The following EXOC6B variants were observed in gnomAD, a reference collection of about 807,000 sequenced individuals.
EXOC6B encodes the protein exocyst complex component 6B.
In EXOC6B, 54 loss-of-function variants were observed where a neutral mutation model predicts 113.5. The observed-to-expected ratio is 0.48, with a 90% CI of 0.38 to 0.60. EXOC6B has a LOEUF of 0.60. Ranked by LOEUF, EXOC6B falls within the 20% of genes least tolerant of loss-of-function variation. The pLI, the probability that EXOC6B is intolerant of heterozygous loss-of-function variation, is 0.00. For synonymous variants in EXOC6B, 357 were observed against 339.0 expected (o/e 1.05, Z -0.58); for missense variants, 797 against 977.5 (o/e 0.82, Z 2.46).
intron 8 of EXOC6B, among the ~76,000 whole-genome samples, chr2:72,558,874 C>G (rs1231234448): frequency 6.6e-6 from 1 of 152,084 alleles, no homozygotes. Flanking sequence ...ATAAGCATCA[C>G]TGAAAGTTTC....
chr2:72,199,017 G>T (rs1679333962), intron 20 of EXOC6B, among the ~76,000 whole-genome samples: 1 of 152,166 alleles, frequency 6.6e-6, no homozygotes, highest in South Asian at 2.1e-4. Context: ...GAGCAGAGCA[G>T]AAACTCAATG....
chr2:72,681,573 A>G (rs1676704877), intron 6 of EXOC6B, among the ~76,000 whole-genome samples: 1 of 152,212 alleles, frequency 6.6e-6, no homozygotes, highest in African/African-American at 2.4e-5. Flanking sequence ...ATTAGTCCTA[A>G]AAGTCCAGTA....
At chr2:72,801,820 C>G (rs1034437973) in intron 1 of EXOC6B, among the ~76,000 whole-genome samples, 1 of 152,138 alleles carries the variant, frequency 6.6e-6, no homozygotes, top group African/African-American at 2.4e-5. Context: ...AGAAGATTCA[C>G]GTAAAAGAAG....
At chr2:72,742,166 A>G (rs1372413503) in intron 1 of EXOC6B, among the ~76,000 whole-genome samples, 1 of 152,152 alleles carries the variant, frequency 6.6e-6, no homozygotes, top group Non-Finnish European at 1.5e-5. Flanking sequence ...TAACGATAAA[A>G]TAAGTGTTCC....
chr2:72,653,607 C>G (rs1180883584), intron 6 of EXOC6B, among the ~76,000 whole-genome samples: 1 of 143,948 alleles, frequency 6.9e-6, no homozygotes, highest in African/African-American at 2.8e-5. Context: ...AACCCCCCCC[C>G]AAAAAGAAAG....
intron 20 of EXOC6B, among the ~76,000 whole-genome samples, chr2:72,296,969 T>C (rs1686177733): frequency 6.6e-6 from 1 of 152,180 alleles, no homozygotes; most frequent in Non-Finnish European, 1.5e-5. Context: ...TTATTCTCTA[T>C]AATTTGCTAT....
intron 6 of EXOC6B, among the ~76,000 whole-genome samples, chr2:72,657,664 G>A (rs867185006): frequency 1.5e-5 from 2 of 132,494 alleles, no homozygotes; most frequent in African/African-American, 5.8e-5. Flanking sequence ...AGCCGTCTTG[G>A]AACTGGAGGT....
intron 20 of EXOC6B, among the ~76,000 whole-genome samples, chr2:72,296,246 C>T (rs528737226): frequency 2.6e-5 from 4 of 152,010 alleles, no homozygotes; most frequent in Non-Finnish European, 2.9e-5. Flanking sequence ...TATAGTATGA[C>T]CTCGCTGAAA....
chr2:72,302,256 G>A (rs1319696318), intron 20 of EXOC6B, among the ~76,000 whole-genome samples: 4 of 152,106 alleles, frequency 2.6e-5, no homozygotes, highest in Admixed American at 1.3e-4. Context: ...TTTTATGTTC[G>A]ATTGTGTGGT....
rs1415370326 is a variant in EXOC6B at position 72,803,215 on chromosome 2, T to G, written c.113+22583A>C. ...CTGATGCAAAAAGAACAAATAAAAT[T>G]CCCAAAACCAACTATAGAAATGACA... On this transcript the variant is annotated intron_variant, in intron 1 of 21. Coordinates refer to ENST00000272427, the MANE Select transcript of EXOC6B (RefSeq NM_015189.3). Among the ~76,000 whole-genome samples the G allele has an allele frequency of 2.7e-5, 4 of 150,166 alleles. No individual in the cohort carries two copies. In the East Asian group the frequency reaches 7.8e-4, roughly 29 times the overall value.
At chr2:72,492,664 G>GTTTTT (rs34091533) in intron 15 of EXOC6B, among the ~76,000 whole-genome samples, 1 of 149,736 alleles carries the variant, frequency 6.7e-6, no homozygotes. Flanking sequence ...AATTCTGGCT[G>GTTTTT]TTTTTTTTTC....
At chr2:72,610,030 TG>T (rs1393174543) in intron 6 of EXOC6B, among the ~76,000 whole-genome samples, 1 of 152,110 alleles carries the variant, frequency 6.6e-6, no homozygotes, top group Non-Finnish European at 1.5e-5. Context: ...AAAATAAAGA[TG>T]GAATAAACAC....
intron 20 of EXOC6B, among the ~76,000 whole-genome samples, chr2:72,188,674 C>A (rs41407): frequency 0.33 from 50,022 of 152,094 alleles, 9,333 homozygotes; most frequent in African/African-American, 0.49. Context: ...CAGCCTGATT[C>A]TCCACATACA....
At chr2:72,712,121 A>G (rs1679310428) in intron 6 of EXOC6B, among the ~76,000 whole-genome samples, 1 of 152,214 alleles carries the variant, frequency 6.6e-6, no homozygotes, top group African/African-American at 2.4e-5. Context: ...TATTGGAAGA[A>G]AGACAGAAGA....
intron 6 of EXOC6B, among the ~76,000 whole-genome samples, chr2:72,645,033 A>G (rs967973460): frequency 6.6e-6 from 1 of 152,198 alleles, no homozygotes; most frequent in African/African-American, 2.4e-5. Flanking sequence ...TGCTGTATTC[A>G]GGAGACCCAT....
intron 1 of EXOC6B, among the ~76,000 whole-genome samples, chr2:72,788,065 G>T (rs549350897): frequency 2.7e-4 from 41 of 152,134 alleles, no homozygotes; most frequent in Non-Finnish European, 5.3e-4. Context: ...ACCTGACATA[G>T]TTCAGTAATT....
chr2:72,226,979 A>G (rs1681284083), intron 20 of EXOC6B, among the ~76,000 whole-genome samples: 1 of 152,210 alleles, frequency 6.6e-6, no homozygotes, highest in East Asian at 1.9e-4. Flanking sequence ...ATTGACAACC[A>G]CTATATAAAA....
At chr2:72,554,144 G>A (rs1703400090) in intron 8 of EXOC6B, among the ~76,000 whole-genome samples, 1 of 152,118 alleles carries the variant, frequency 6.6e-6, no homozygotes, top group Admixed American at 6.5e-5. Context: ...CCTAATTAAA[G>A]AGGACTGATA....
chr2:72,508,803 A>T (rs1328024416), intron 11 of EXOC6B, among the ~76,000 whole-genome samples: 1 of 152,056 alleles, frequency 6.6e-6, no homozygotes, highest in African/African-American at 2.4e-5. Context: ...AAAAATAAAT[A>T]AAATAAATAA....
Sources: allele counts gnomAD v4.1 joint callset (sites outside exome capture counted in the v4.1 genomes callset), GRCh38; gene constraint gnomAD v4.1.1; transcripts MANE v1.5; gene names NCBI Gene and HGNC (gene_info 2026-07-23, HGNC 2026-07-21).